The following ANKIB1 variants were observed in gnomAD, a reference collection of about 807,000 sequenced individuals.
ANKIB1 encodes ankyrin repeat and IBR domain-containing protein 1.
A neutral mutation model predicts 122.1 loss-of-function variants in ANKIB1; 43 were observed. That is an observed-to-expected ratio of 0.35 (90% CI 0.28 to 0.45). The LOEUF (loss-of-function observed/expected upper bound fraction) is 0.45, where lower values mean the gene tolerates loss of function less well. ANKIB1 is among the 20% of genes least tolerant of loss of function. The pLI, the probability that ANKIB1 is intolerant of heterozygous loss-of-function variation, is 1.00. For synonymous variants in ANKIB1, 390 were observed against 442.0 expected, an observed-to-expected ratio of 0.88 and a Z score of 1.48; for missense variants, 992 against 1,329.5, an observed-to-expected ratio of 0.75 and a Z score of 3.95.
chr7:92,342,678 A>G (rs1318487325), intron 5 of ANKIB1, among the ~76,000 whole-genome samples: 1 of 152,196 alleles, frequency 6.6e-6, no homozygotes, highest in Non-Finnish European at 1.5e-5. Context: ...ACTTTTGGAA[A>G]GAGTAAAGAA....
intron 10 of ANKIB1, among the ~76,000 whole-genome samples, chr7:92,368,742 A>G (rs977541788): frequency 1.3e-5 from 2 of 152,112 alleles, no homozygotes; most frequent in African/African-American, 2.4e-5. Flanking sequence ...AAATGTATGT[A>G]TAAGGGACAG....
chr7:92,332,042 T>A (rs1485233641), intron 5 of ANKIB1, among the ~76,000 whole-genome samples: 2 of 152,206 alleles, frequency 1.3e-5, no homozygotes, highest in African/African-American at 4.8e-5. Context: ...CCTAAATTAC[T>A]TGTTTTACAA....
At position 92,246,344 on chromosome 7, in the gene ANKIB1, A is replaced by T; in HGVS notation, c.-266A>T. 2.2e-6 allele frequency: 1 copy of T among 446,526 alleles called. No homozygotes were observed. The highest frequency in any genetic ancestry group is 1.6e-5 in the South Asian group (1 of 63,428). 27.7% of individuals were successfully genotyped at this position (446,526 alleles called of 1,614,324 possible). The stretch of plus-strand genomic sequence containing the variant: ...GCCGCCAGTGCGCACCCTCGGCCAC[A>T]TCAGCCTCCGCCTGGCGGGTGCACC... On this transcript the variant is annotated 5_prime_UTR_variant, in exon 1 of 20. Transcript: ENST00000265742.
At chr7:92,335,840 T>C (rs1243624919) in intron 5 of ANKIB1, among the ~76,000 whole-genome samples, 1 of 152,014 alleles carries the variant, frequency 6.6e-6, no homozygotes, top group Non-Finnish European at 1.5e-5. Context: ...TATTTTTTGT[T>C]CTCTGTTCCT....
chr7:92,261,956 T>A (rs1291107555), intron 1 of ANKIB1, among the ~76,000 whole-genome samples: 2 of 152,228 alleles, frequency 1.3e-5, no homozygotes, highest in African/African-American at 4.8e-5. Flanking sequence ...GCGCAGTGAC[T>A]CTAATCTCAC....
intron 9 of ANKIB1, among the ~76,000 whole-genome samples, chr7:92,361,784 T>G (rs545713988): frequency 6.6e-6 from 1 of 152,188 alleles, no homozygotes; most frequent in South Asian, 2.1e-4. Context: ...TTTTCAACTT[T>G]AAAATTGGAA....
chr7:92,388,089 A>G (rs1436536367), intron 14 of ANKIB1, 48 bp downstream of exon 14: 2 of 1,481,794 alleles, frequency 1.3e-6, no homozygotes, highest in Admixed American at 2.0e-5. Context: ...ATATCTTTCC[A>G]TGCTTGTCAT....
rs551312011 is a variant in ANKIB1, at chr7:92,308,870, T to A, written c.486+1214T>A. Among the ~76,000 whole-genome samples the A allele has an allele frequency of 4.4e-3, 667 of 152,300 alleles. 1 individual carries two copies. Among genetic ancestry groups the A allele is most frequent in the Non-Finnish European group, 7.7e-3 (521 of 68,006 alleles). ...ATTAGACTGGATTACAGAGTATCTT[T>A]ATTACTAAAAGTATATACCTTTATT... On this transcript the variant is annotated intron_variant, in intron 3 of 19. Coordinates refer to ENST00000265742, the MANE Select transcript of ANKIB1 (RefSeq NM_019004.2).
intron 1 of ANKIB1, among the ~76,000 whole-genome samples, chr7:92,288,831 A>G (rs59242586): frequency 0.33 from 49,618 of 151,938 alleles, 8,302 homozygotes; most frequent in Non-Finnish European, 0.35. Flanking sequence ...CACATCCATT[A>G]TAATGGCTAC....
chr7:92,397,064 A>G (rs1302989209), intron 18 of ANKIB1, among the ~76,000 whole-genome samples: 4 of 152,234 alleles, frequency 2.6e-5, no homozygotes, highest in Non-Finnish European at 4.4e-5. Context: ...GACTATTGTA[A>G]TTCCCAAATT....
intron 1 of ANKIB1, among the ~76,000 whole-genome samples, chr7:92,284,370 C>A (rs1223632897): frequency 6.6e-6 from 1 of 152,134 alleles, no homozygotes; most frequent in Non-Finnish European, 1.5e-5. Context: ...TTTCTAAAGG[C>A]CTTCTTTATT....
intron 1 of ANKIB1, among the ~76,000 whole-genome samples, chr7:92,287,024 T>C (rs1802145846): frequency 6.6e-6 from 1 of 152,206 alleles, no homozygotes; most frequent in Non-Finnish European, 1.5e-5. Context: ...TACAGTCTCT[T>C]CCCAAACACA....
intron 5 of ANKIB1, among the ~76,000 whole-genome samples, chr7:92,330,756 G>A (rs1803155296): frequency 6.6e-6 from 1 of 152,084 alleles, no homozygotes; most frequent in African/African-American, 2.4e-5. Flanking sequence ...GCAGGAGAAT[G>A]GCGTGAACCC....
chr7:92,386,293 C>G (rs563179343), intron 11 of ANKIB1, among the ~76,000 whole-genome samples: 1 of 152,176 alleles, frequency 6.6e-6, no homozygotes, highest in South Asian at 2.1e-4. Context: ...TTTAATATAT[C>G]CCTATAAACA....
At position 92,398,314 on chromosome 7, in the gene ANKIB1, C is replaced by T; in HGVS notation, c.2635C>T (p.Leu879Phe). ...LALDEETRDF[L>F]SNEASLGAIG... ...CCTCGATGAAGAAACTAGAGACTTC[C>T]TCAGTAATGAAGCATCCTTAGGTGC... Residue 879 changes from leucine to phenylalanine, a missense_variant, in exon 20 of 20, where the codon CTC (leucine) becomes TTC (phenylalanine). By Grantham distance (22) the Leu-to-Phe change is conservative. This residue lies in a region of ANKIB1 where 384 missense variants were observed against 412.0 expected (regional missense o/e 0.93). Transcript: ENST00000265742. 6.2e-7 allele frequency: 1 copy of T among 1,613,670 alleles called. No individual in the cohort carries two copies. The highest frequency in any genetic ancestry group is 2.2e-5 in the East Asian group (1 of 44,838).
Position 92,358,241 on chromosome 7 carries a change from C to CA in ANKIB1, c.1398-3935dup, listed in dbSNP as rs201046480. Among the ~76,000 whole-genome samples the CA allele has an allele frequency of 7.4e-4, 111 of 150,836 alleles. 1 individual carries two copies. Among genetic ancestry groups the CA allele is most frequent in the African/African-American group, 2.3e-3 (95 of 41,244 alleles). On this transcript the variant is annotated intron_variant, in intron 9 of 19. Transcript: ENST00000265742. ...TGGGCCATAGAGCAAGACTCCGCCT[C>CA]AAAAAAAAATGTGGCAACCTCAACC...
chr7:92,328,508 C>G (rs1803075521), intron 5 of ANKIB1, among the ~76,000 whole-genome samples: 1 of 152,032 alleles, frequency 6.6e-6, no homozygotes, highest in Non-Finnish European at 1.5e-5. Flanking sequence ...TCCCTATAAT[C>G]CTTATGACAG....
Position 92,371,402 on chromosome 7 carries a change from G to T in ANKIB1, c.1487-75G>T, listed in dbSNP as rs952596785. On this transcript the variant is annotated intron_variant, in intron 10 of 19. Coordinates refer to ENST00000265742, the MANE Select transcript of ANKIB1 (RefSeq NM_019004.2). ...TGAGAGACAGCCTGCAAAGAAAAGT[G>T]TGGAGGGTTTTTTTTTCCCCCAGAA... The T allele has an allele frequency of 1.2e-4, 164 of 1,313,026 alleles. No individual in the cohort carries two copies. In the Admixed American group the frequency reaches 1.9e-3, roughly 15 times the overall value. The allele number at this position is 1,313,026 out of a possible 1,614,324, so 81.3% of individuals were successfully genotyped here.
At chr7:92,322,844 A>G (rs1802942061) in intron 4 of ANKIB1, among the ~76,000 whole-genome samples, 1 of 152,186 alleles carries the variant, frequency 6.6e-6, no homozygotes, top group Admixed American at 6.5e-5. Context: ...GTAGTTAAAA[A>G]TACAGATTCT....
Sources: allele counts gnomAD v4.1 joint callset (sites outside exome capture counted in the v4.1 genomes callset), GRCh38; gene constraint gnomAD v4.1.1; regional missense constraint gnomAD v4.1.1; transcripts MANE v1.5; gene names NCBI Gene and HGNC (gene_info 2026-07-23, HGNC 2026-07-21).